Variants in IMPG1 observed in about 807,000 individuals in gnomAD.
The protein encoded by IMPG1 is interphotoreceptor matrix proteoglycan of 150 kDa.
Under a neutral mutation model 92.0 loss-of-function variants are expected in IMPG1, and 85 were observed. The observed-to-expected ratio is 0.92, with a 90% confidence interval of 0.78 to 1.11. The LOEUF (loss-of-function observed/expected upper bound fraction) is 1.11, where lower values mean the gene tolerates loss of function less well. Ranked by LOEUF, IMPG1 falls within the 50% of genes least tolerant of loss-of-function variation. The probability of loss-of-function intolerance (pLI) is 0.00; values close to 1 mark genes in which losing one functional copy is unlikely to be tolerated. For missense variants in IMPG1, 1,022 were observed against 956.0 expected, an observed-to-expected ratio of 1.07 and a Z score of -0.91; for synonymous variants, 367 against 334.1, an observed-to-expected ratio of 1.10 and a Z score of -1.08.
Position 76,028,657 on chromosome 6 carries a change from G to A in IMPG1, c.498-3399C>T, listed in dbSNP as rs186918979. On this transcript the variant is annotated intron_variant, in intron 4 of 16. Coordinates refer to ENST00000369950, the MANE Select transcript of IMPG1 (RefSeq NM_001563.4). The stretch of plus-strand genomic sequence containing the variant: ...ATCCTGGCTAACATGATGAAACCCC[G>A]TCTCTACTAAAAAATAGAAAAAATC... 2.8e-3 allele frequency among the ~76,000 whole-genome samples: 424 copies of A among 152,176 alleles called. 2 individuals are homozygous for A. The highest frequency in any genetic ancestry group is 4.5e-3 in the Non-Finnish European group (309 of 67,992).
intron 12 of IMPG1, among the ~76,000 whole-genome samples, chr6:75,974,387 CTTTCTTTT>C (rs1782489180): frequency 4.9e-5 from 3 of 60,910 alleles, no homozygotes; most frequent in East Asian, 1.2e-3. Flanking sequence ...TTCTTTCTTT[CTTTCTTTT>C]CTTTCTTTCC....
intron 7 of IMPG1, among the ~76,000 whole-genome samples, chr6:76,011,590 T>G (rs892451318): frequency 6.6e-6 from 1 of 152,106 alleles, no homozygotes; most frequent in Non-Finnish European, 1.5e-5. Context: ...TATTTATTTA[T>G]TTTTTTAATT....
chr6:76,070,603 C>A (rs749620515), intron 1 of IMPG1, among the ~76,000 whole-genome samples: 15 of 151,896 alleles, frequency 9.9e-5, no homozygotes, highest in Non-Finnish European at 1.9e-4. Context: ...AAGAAAATAT[C>A]GTTATATATT....
At chr6:75,941,600 G>A (rs1781837403) in intron 14 of IMPG1, among the ~76,000 whole-genome samples, 1 of 152,194 alleles carries the variant, frequency 6.6e-6, no homozygotes, top group Admixed American at 6.6e-5. Context: ...CTGATGCATG[G>A]AAAGCAATAA....
intron 4 of IMPG1, among the ~76,000 whole-genome samples, chr6:76,030,782 G>A (rs12332847): frequency 0.033 from 5,030 of 152,190 alleles, 273 homozygotes; most frequent in African/African-American, 0.11. Flanking sequence ...AGTTAAGATT[G>A]GTCTTTGTCT....
At chr6:75,941,873 T>C (rs908434321) in intron 14 of IMPG1, among the ~76,000 whole-genome samples, 1 of 152,194 alleles carries the variant, frequency 6.6e-6, no homozygotes, top group Admixed American at 6.5e-5. Flanking sequence ...CAGTATCTCC[T>C]TTATGACAAT....
At chr6:75,935,406 C>A (rs565025833) in intron 14 of IMPG1, among the ~76,000 whole-genome samples, 3 of 152,370 alleles carry the variant, frequency 2.0e-5, no homozygotes, top group Non-Finnish European at 4.4e-5. Context: ...CGCGCTGCCA[C>A]GCCCTGGCGC....
chr6:76,019,991 C>T (rs1316145647), intron 6 of IMPG1, among the ~76,000 whole-genome samples: 1 of 152,146 alleles, frequency 6.6e-6, no homozygotes, highest in African/African-American at 2.4e-5. Context: ...TTTTTTCCAA[C>T]AGTACTTTTC....
chr6:76,064,632 G>C (rs1310672028), intron 1 of IMPG1, among the ~76,000 whole-genome samples: 1 of 152,100 alleles, frequency 6.6e-6, no homozygotes, highest in Admixed American at 6.6e-5. Context: ...GGTGGGCTTG[G>C]CAGTCCAACT....
intron 1 of IMPG1, among the ~76,000 whole-genome samples, chr6:76,066,339 C>T (rs562454455): frequency 6.6e-6 from 1 of 151,872 alleles, no homozygotes; most frequent in Non-Finnish European, 1.5e-5. Flanking sequence ...TGGTAAAACA[C>T]TCATAGACTG....
At chr6:75,982,560 T>C (rs1377416534) in intron 12 of IMPG1, among the ~76,000 whole-genome samples, 1 of 150,070 alleles carries the variant, frequency 6.7e-6, no homozygotes, top group Non-Finnish European at 1.5e-5. Flanking sequence ...TATCTATCTA[T>C]CTATATATCT....
intron 11 of IMPG1, among the ~76,000 whole-genome samples, chr6:76,003,491 A>T (rs1783036500): frequency 6.6e-6 from 1 of 152,210 alleles, no homozygotes; most frequent in Non-Finnish European, 1.5e-5. Flanking sequence ...AGTCATAAAA[A>T]CAAATTTATA....
intron 1 of IMPG1, among the ~76,000 whole-genome samples, chr6:76,059,059 G>A (rs908245368): frequency 2.6e-5 from 4 of 152,100 alleles, no homozygotes; most frequent in African/African-American, 4.8e-5. Context: ...AGGGACTGAT[G>A]TTTTGATAAC....
At chr6:76,053,929 A>G (rs1300985815) in intron 1 of IMPG1, among the ~76,000 whole-genome samples, 1 of 152,164 alleles carries the variant, frequency 6.6e-6, no homozygotes, top group Non-Finnish European at 1.5e-5. Context: ...CAAGCAGAGC[A>G]GAATTGGAGC....
chr6:75,965,721 C>T (rs1178241669), intron 12 of IMPG1, among the ~76,000 whole-genome samples: 2 of 149,472 alleles, frequency 1.3e-5, no homozygotes, highest in African/African-American at 4.9e-5. Context: ...CATTCTCCTG[C>T]CTCAGCCTCC....
chr6:76,007,545 A>G (rs1376669256), intron 8 of IMPG1, 45 bp from the exon 9 acceptor site: 2 of 1,343,296 alleles, frequency 1.5e-6, no homozygotes, highest in South Asian at 1.3e-5. Context: ...AGAGAAAAAA[A>G]TTTAATGACA....
At chr6:75,948,425 G>A (rs768577061) in intron 13 of IMPG1, among the ~76,000 whole-genome samples, 6 of 152,098 alleles carry the variant, frequency 3.9e-5, no homozygotes, top group South Asian at 2.1e-4. Flanking sequence ...TGCAAGCGCC[G>A]ACCTCCTAGG....
intron 2 of IMPG1, among the ~76,000 whole-genome samples, chr6:76,036,386 A>G (rs1783743014): frequency 6.6e-6 from 1 of 152,192 alleles, no homozygotes; most frequent in Non-Finnish European, 1.5e-5. Context: ...TGCATTTGCA[A>G]TTTTGTATTT....
chr6:76,049,413 T>C (rs1379253866), intron 1 of IMPG1, among the ~76,000 whole-genome samples: 1 of 152,200 alleles, frequency 6.6e-6, no homozygotes, highest in African/African-American at 2.4e-5. Context: ...GAGTGAAGAT[T>C]TCCTCTGATA....
Sources: allele counts gnomAD v4.1 joint callset (sites outside exome capture counted in the v4.1 genomes callset), GRCh38; gene constraint gnomAD v4.1.1; transcripts MANE v1.5; gene names NCBI Gene and HGNC (gene_info 2026-07-23, HGNC 2026-07-21).